GREB1: variants seen among roughly 807,000 people sequenced by gnomAD.
GREB1 encodes the protein protein GREB1.
A neutral mutation model predicts 200.7 loss-of-function variants in GREB1; 106 were observed. The ratio of observed to expected loss-of-function variants is 0.53; its 90% CI spans 0.45 to 0.62. GREB1 has a LOEUF of 0.62. Ranked by LOEUF, GREB1 falls within the 20% of genes least tolerant of loss-of-function variation. The pLI, the probability that GREB1 is intolerant of heterozygous loss-of-function variation, is 0.00. For synonymous variants in GREB1, 1,132 were observed against 1,092.4 expected (o/e 1.04, Z -0.72); for missense variants, 2,243 against 2,556.8 (o/e 0.88, Z 2.65).
At chr2:11,521,029 C>T (rs142154963) in intron 1 of GREB1, among the ~76,000 whole-genome samples, 2 of 152,314 alleles carry the variant, frequency 1.3e-5, no homozygotes, top group African/African-American at 4.8e-5. Flanking sequence ...GCTCCATGGT[C>T]TATCAGGACC....
At chr2:11,631,383 G>T (rs1343176138) in intron 26 of GREB1, among the ~76,000 whole-genome samples, 2 of 152,226 alleles carry the variant, frequency 1.3e-5, no homozygotes, top group Non-Finnish European at 2.9e-5. Flanking sequence ...TGTGCTCTGG[G>T]CACAATATTA....
chr2:11,638,519 A>T (rs571454359), intron 31 of GREB1, 152 bp from the exon 32 acceptor site: 1 of 611,426 alleles, frequency 1.6e-6, no homozygotes, highest in African/African-American at 1.9e-5. Flanking sequence ...TCAGATACAG[A>T]TTTGGAAATA....
At position 11,544,896 on chromosome 2, in the gene GREB1, C is replaced by T. The variant is rs192486651; in HGVS notation, c.-162+10642C>T. Among the ~76,000 whole-genome samples the T allele has an allele frequency of 3.2e-4, 48 of 152,316 alleles. No homozygotes were observed. In the South Asian group the frequency reaches 7.0e-3, roughly 22 times the overall value. ...GTAGTGCGTTCTCAGCTCACTGCAACCTCTGCCTCCCGGGGTCAAACGATT... is the reference window on the plus strand; with the variant it reads ...GTAGTGCGTTCTCAGCTCACTGCAATCTCTGCCTCCCGGGGTCAAACGATT... On this transcript the variant is annotated intron_variant, in intron 1 of 32. Coordinates refer to ENST00000381486, the MANE Select transcript of GREB1 (RefSeq NM_014668.4).
At chr2:11,497,441 C>T (rs996628805) in intron 1 of GREB1, among the ~76,000 whole-genome samples, 14 of 152,124 alleles carry the variant, frequency 9.2e-5, no homozygotes, top group African/African-American at 3.1e-4. Flanking sequence ...CACTTGTGTA[C>T]AGGTTTTTGT....
chr2:11,625,256 C>G lies in GREB1; in HGVS notation c.4250C>G (p.Pro1417Arg). The G allele has an allele frequency of 1.9e-6, 3 of 1,614,068 alleles. No individual in the cohort carries two copies. Among genetic ancestry groups the G allele is most frequent in the South Asian group, 1.1e-5 (1 of 91,064 alleles). Residue 1417 changes from proline to arginine, a missense_variant, in exon 24 of 33, where the codon CCG becomes CGG. Pro to Arg is a moderately radical substitution (Grantham distance 103). This residue lies in a region of GREB1 where 587 missense variants were observed against 553.1 expected (regional missense o/e 1.06). Coordinates refer to ENST00000381486, the MANE Select transcript of GREB1 (RefSeq NM_014668.4). ...KLPFDYIIHD[P>R]KYEDASLICS... ...CCCTTTGACTACATCATTCACGACC[C>G]GAAGTATGAAGATGCCAGCCTGATT... is the stretch of plus-strand genomic sequence containing the variant.
chr2:11,538,811 TCCTTCCTCCCTC>T lies in GREB1; in HGVS notation c.-162+4573_-162+4584del, dbSNP rs1394646002. Among the ~76,000 whole-genome samples the T allele has an allele frequency of 1.7e-3, 140 of 83,390 alleles. 8 individuals are homozygous for T. Among genetic ancestry groups the T allele is most frequent in the African/African-American group, 4.2e-3 (128 of 30,380 alleles). 54.7% of individuals were successfully genotyped at this position (83,390 alleles called of 152,430 possible). A position where few individuals can be genotyped will look rare whatever the true frequency, so the allele number is the denominator to read the frequency against. ...TCCTTCCTTCCCTTCTTTACTTCCT[TCCTTCCTCCCTC>T]CCTTCCTCCCTCCCTCCATCCCTTC... On this transcript the variant is annotated intron_variant, in intron 1 of 32. Transcript: ENST00000381486.
chr2:11,520,281 A>G (rs757977240), intron 1 of GREB1, among the ~76,000 whole-genome samples: 6 of 152,244 alleles, frequency 3.9e-5, no homozygotes, highest in Non-Finnish European at 8.8e-5. Flanking sequence ...TGCTGTAACA[A>G]ATTATCATAG....
rs1022932772 is a variant in GREB1 at position 11,629,416 on chromosome 2, G to T, written c.4450-532G>T. Among the ~76,000 whole-genome samples, 1 of 152,160 alleles carries T rather than the reference G, an allele frequency of 6.6e-6. No homozygotes were observed. Among genetic ancestry groups the T allele is most frequent in the Non-Finnish European group, 1.5e-5 (1 of 68,034 alleles). The stretch of plus-strand genomic sequence containing the variant: ...CAGAGCCCAAGGTCTCTGAATGTCA[G>T]TTTTCACACCTGTAAAATGGGGATG... On this transcript the variant is annotated intron_variant, in intron 25 of 32. Coordinates refer to ENST00000381486, the MANE Select transcript of GREB1 (RefSeq NM_014668.4). This position sits in a 1 kb window ranked among gnomAD's most constrained non-coding sequence, Gnocchi z 5.2.
chr2:11,530,565 CAAAA>C (rs34552685), upstream of GREB1, among the ~76,000 whole-genome samples: 2 of 97,096 alleles, frequency 2.1e-5, no homozygotes, highest in Admixed American at 1.1e-4. Context: ...GACTCGGTCT[CAAAA>C]AAAAAAAAAA....
chr2:11,618,778 G>C lies in GREB1; in HGVS notation c.3903G>C (p.Lys1301Asn), dbSNP rs201134103. The C allele has an allele frequency of 1.1e-4, 180 of 1,612,332 alleles. No homozygotes were observed. The African/African-American group carries it at 2.2e-3, about 19-fold the overall frequency. ...WASSFRPLLSKTMTSTEQSLY... is the reference protein window; with the variant it reads ...WASSFRPLLSNTMTSTEQSLY... ...GCTCTTTCCGCCCCCTGCTCAGCAA[G>C]ACCATGACATCCACCGAGCAGTCCC... Residue 1301 changes from lysine (K) to asparagine (N), a missense_variant, in exon 22 of 33, where the codon AAG (lysine) becomes AAC (asparagine). Around this residue, in one of 3 missense-constraint regions of GREB1, gnomAD observed 587 missense variants for 553.1 expected, o/e 1.06. Coordinates refer to ENST00000381486, the MANE Select transcript of GREB1 (RefSeq NM_014668.4).
chr2:11,611,616 T>G (rs1192383066), intron 18 of GREB1, among the ~76,000 whole-genome samples: 1 of 152,214 alleles, frequency 6.6e-6, no homozygotes, highest in Non-Finnish European at 1.5e-5. Context: ...CTGCAGCACT[T>G]AGGTTGGTGT....
chr2:11,592,001 C>T, intron 10 of GREB1: 3 of 984,410 alleles, frequency 3.0e-6, no homozygotes, highest in Non-Finnish European at 3.6e-6. Flanking sequence ...TGTTTTTATT[C>T]CCTGTCCTGG....
intron 7 of GREB1, chr2:11,581,278 G>T (rs1679449486): frequency 2.0e-6 from 1 of 497,882 alleles, no homozygotes; most frequent in Admixed American, 3.7e-5. Flanking sequence ...TGAGAATTCT[G>T]CTCCAAGGGT....
chr2:11,576,763 T>C (rs1678902023), intron 5 of GREB1, among the ~76,000 whole-genome samples: 1 of 151,748 alleles, frequency 6.6e-6, no homozygotes, highest in Non-Finnish European at 1.5e-5. Flanking sequence ...GGGCCAGTTG[T>C]GGTGGCTCAC....
Position 11,589,467 on chromosome 2 carries a change from C to T in GREB1, c.1345+536C>T, listed in dbSNP as rs576629143. On this transcript the variant is annotated intron_variant, in intron 10 of 32. Transcript: ENST00000381486. ...GTGGAGGAGCAGTGAGTGTCCCAGT[C>T]GCTGGAGAGGCCAGCGTAGCTGTAG... Among the ~76,000 whole-genome samples the T allele has an allele frequency of 1.3e-3, 195 of 152,140 alleles. 2 individuals carry two copies. Among genetic ancestry groups the T allele is most frequent in the Non-Finnish European group, 3.5e-4 (24 of 67,998 alleles).
intron 1 of GREB1, among the ~76,000 whole-genome samples, chr2:11,517,889 G>T (rs368090679): frequency 5.9e-5 from 9 of 152,196 alleles, no homozygotes; most frequent in African/African-American, 2.2e-4. Flanking sequence ...TCCTGACGTC[G>T]TGATCCACCT....
Position 11,596,196 on chromosome 2 carries a change from T to G in GREB1, c.1911T>G (p.Thr637=), listed in dbSNP as rs1428779214. The change falls in exon 13 of 33, where the codon ACT becomes ACG. Residue 637 remains threonine, a synonymous_variant. Coordinates refer to ENST00000381486, the MANE Select transcript of GREB1 (RefSeq NM_014668.4). ...ISSSLAASSV[T]KAASLDVSGT... The stretch of plus-strand genomic sequence containing the variant: ...CCTCACTCGCTGCCTCTTCTGTCAC[T>G]AAAGCAGCATCCCTGGATGTCAGTG... 2 of 1,613,624 alleles carry G rather than the reference T, an allele frequency of 1.2e-6. No homozygotes were observed. Among genetic ancestry groups the G allele is most frequent in the Middle Eastern group, 1.7e-4 (1 of 6,060 alleles).
intron 1 of GREB1, among the ~76,000 whole-genome samples, chr2:11,537,203 A>T (rs1674332469): frequency 6.6e-6 from 1 of 152,126 alleles, no homozygotes; most frequent in East Asian, 1.9e-4. Context: ...ACCACAGGTG[A>T]TTTGCCTGCC....
intron 1 of GREB1, among the ~76,000 whole-genome samples, chr2:11,508,445 T>C (rs1673244412): frequency 6.6e-6 from 1 of 152,196 alleles, no homozygotes; most frequent in African/African-American, 2.4e-5. Flanking sequence ...AGAACGGGCT[T>C]TGCACACGCT....
Sources: allele counts gnomAD v4.1 joint callset (sites outside exome capture counted in the v4.1 genomes callset), GRCh38; gene constraint gnomAD v4.1.1; regional missense constraint gnomAD v4.1.1; non-coding constraint Gnocchi (gnomAD v3.1); transcripts MANE v1.5; gene names NCBI Gene and HGNC (gene_info 2026-07-23, HGNC 2026-07-21).